ABTB3: variants seen among roughly 807,000 people sequenced by gnomAD.
ABTB3 encodes ankyrin repeat- and BTB/POZ domain-containing protein 3.
chr12:107,318,824 G>A, the ABTB3 span: 11 of 1,228,652 alleles, frequency 9.0e-6, no homozygotes, highest in African/African-American at 1.5e-5. Flanking sequence ...AGCGGCTAGT[G>A]GAAAAGTGAG....
chr12:107,649,304 A>G, the ABTB3 span: 2 of 1,594,316 alleles, frequency 1.3e-6, no homozygotes, highest in East Asian at 2.2e-5. Flanking sequence ...GTTGGCTATC[A>G]TAGGTCCCTT....
At chr12:107,599,849 G>A in the ABTB3 span, among the ~76,000 whole-genome samples, 3 of 152,160 alleles carry the variant, frequency 2.0e-5, no homozygotes, top group African/African-American at 7.2e-5. Flanking sequence ...ATGAGTGATG[G>A]TATTTCCCTG....
the ABTB3 span, among the ~76,000 whole-genome samples, chr12:107,628,935 A>G: frequency 6.6e-6 from 1 of 152,178 alleles, no homozygotes; most frequent in Non-Finnish European, 1.5e-5. Context: ...TTACCACCAC[A>G]TAGAACTCCA....
chr12:107,578,845 G>A, the ABTB3 span, among the ~76,000 whole-genome samples: 1 of 152,162 alleles, frequency 6.6e-6, no homozygotes, highest in Admixed American at 6.5e-5. Flanking sequence ...AGGTCCACAG[G>A]TCCAGAAACT....
At chr12:107,479,315 C>T in the ABTB3 span, among the ~76,000 whole-genome samples, 15 of 152,120 alleles carry the variant, frequency 9.9e-5, no homozygotes, top group Admixed American at 9.2e-4. Flanking sequence ...ATCACTAACA[C>T]ACCCCCTGTT....
the ABTB3 span, among the ~76,000 whole-genome samples, chr12:107,595,230 G>T: frequency 6.6e-6 from 1 of 152,208 alleles, no homozygotes; most frequent in African/African-American, 2.4e-5. Flanking sequence ...AAGGTAAGGC[G>T]TTGGGCTGTG....
At chr12:107,594,177 T>TA in the ABTB3 span, among the ~76,000 whole-genome samples, 1 of 152,226 alleles carries the variant, frequency 6.6e-6, no homozygotes, top group Non-Finnish European at 1.5e-5. Context: ...TGAAGCAAGA[T>TA]AATGCTGCCT....
At chr12:107,479,032 A>G in the ABTB3 span, among the ~76,000 whole-genome samples, 30 of 152,276 alleles carry the variant, frequency 2.0e-4, no homozygotes, top group Admixed American at 6.5e-4. Context: ...CCCATAAGGT[A>G]TTTCACAATG....
chr12:107,657,474 G>C, the ABTB3 span: 1 of 1,584,550 alleles, frequency 6.3e-7, no homozygotes, highest in Admixed American at 1.7e-5. Context: ...TTTCGGAAGC[G>C]TAACCATCTC....
At chr12:107,612,729 C>T in the ABTB3 span, 3 of 1,514,548 alleles carry the variant, frequency 2.0e-6, no homozygotes, top group South Asian at 2.4e-5. Flanking sequence ...GTCGATTGAC[C>T]ACAGCCACCT....
the ABTB3 span, among the ~76,000 whole-genome samples, chr12:107,421,196 A>G: frequency 3.3e-5 from 5 of 152,212 alleles, no homozygotes; most frequent in Non-Finnish European, 7.3e-5. Context: ...AGCCTCATAC[A>G]TGGATTGATT....
chr12:107,565,315 C>G, the ABTB3 span, among the ~76,000 whole-genome samples: 1 of 151,952 alleles, frequency 6.6e-6, no homozygotes, highest in Admixed American at 6.6e-5. Flanking sequence ...TTTTCTGAAT[C>G]TAATGTTGTG....
the ABTB3 span, among the ~76,000 whole-genome samples, chr12:107,656,970 G>A: frequency 1.3e-5 from 2 of 152,174 alleles, no homozygotes; most frequent in African/African-American, 4.8e-5. Flanking sequence ...TTGAACCCGG[G>A]AGGTGGAGGT....
the ABTB3 span, among the ~76,000 whole-genome samples, chr12:107,451,817 A>G: frequency 2.5e-3 from 383 of 152,338 alleles, 1 homozygote; most frequent in African/African-American, 9.0e-3. Flanking sequence ...GGAGAATATA[A>G]CAGTAATAAT....
chr12:107,616,020 T>C, the ABTB3 span, among the ~76,000 whole-genome samples: 3 of 152,048 alleles, frequency 2.0e-5, no homozygotes, highest in African/African-American at 7.2e-5. Flanking sequence ...GTTTCCTGGG[T>C]CATGAGAATC....
At chr12:107,617,583 G>A in the ABTB3 span, 3 of 1,033,694 alleles carry the variant, frequency 2.9e-6, no homozygotes, top group East Asian at 2.6e-5. Context: ...TGGCCAGAGC[G>A]ACCCTACCTG....
At chr12:107,439,801 C>T in the ABTB3 span, among the ~76,000 whole-genome samples, 6 of 152,272 alleles carry the variant, frequency 3.9e-5, no homozygotes, top group Middle Eastern at 3.4e-3. Flanking sequence ...CATACCCATC[C>T]CCTCTCAAAG....
the ABTB3 span, among the ~76,000 whole-genome samples, chr12:107,652,319 G>C: frequency 6.6e-6 from 1 of 152,222 alleles, no homozygotes; most frequent in Non-Finnish European, 1.5e-5. Flanking sequence ...GTGCTCAGGG[G>C]TGAGAACCGC....
chr12:107,414,722 C>CT, the ABTB3 span, among the ~76,000 whole-genome samples: 1,291 of 139,902 alleles, frequency 9.2e-3, 14 homozygotes, highest in Admixed American at 0.02. Flanking sequence ...TTTTCTTTTT[C>CT]TTTTTTTTTT....
Sources: gnomAD v4.1 joint callset for allele counts (sites outside exome capture counted in the v4.1 genomes callset) on GRCh38, gnomAD v4.1.1 for gene constraint, MANE v1.5 for transcripts, NCBI Gene and HGNC (gene_info 2026-07-23, HGNC 2026-07-21) for gene names.